Variants in PDE4D observed in about 807,000 individuals in gnomAD.
PDE4D encodes 3',5'-cyclic-AMP phosphodiesterase 4D.
Under a neutral mutation model 87.4 loss-of-function variants are expected in PDE4D, and 24 were observed. The ratio of observed to expected loss-of-function variants is 0.27; its 90% CI spans 0.20 to 0.39. PDE4D has a LOEUF of 0.39. Ranked by LOEUF, PDE4D falls within the 10% of genes least tolerant of loss-of-function variation. The pLI, the probability that PDE4D is intolerant of heterozygous loss-of-function variation, is 1.00. For synonymous variants in PDE4D, 384 were observed against 383.2 expected, an observed-to-expected ratio of 1.00 and a Z score of -0.02; for missense variants, 714 against 1,041.0, an observed-to-expected ratio of 0.69 and a Z score of 4.32.
chr5:60,118,067 T>G (rs1347223378), intron 2 of PDE4D, among the ~76,000 whole-genome samples: 2 of 152,114 alleles, frequency 1.3e-5, no homozygotes, highest in Non-Finnish European at 2.9e-5. Flanking sequence ...AATCACTCCT[T>G]TTGTTGTTGT....
At chr5:59,489,162 G>A (rs566444739) in intron 1 of PDE4D, among the ~76,000 whole-genome samples, 1 of 151,904 alleles carries the variant, frequency 6.6e-6, no homozygotes, top group South Asian at 2.1e-4. Flanking sequence ...GTACTCAGGA[G>A]GCTGAGGCAG....
intron 2 of PDE4D, among the ~76,000 whole-genome samples, chr5:60,004,131 A>G (rs972804466): frequency 6.6e-6 from 1 of 152,246 alleles, no homozygotes; most frequent in African/African-American, 2.4e-5. Context: ...ATATGATACC[A>G]AAAGTGTAGG....
chr5:59,463,312 T>C (rs1016374635), intron 1 of PDE4D, among the ~76,000 whole-genome samples: 8 of 152,222 alleles, frequency 5.3e-5, no homozygotes, highest in Admixed American at 6.5e-5. Context: ...CTGATTATAG[T>C]AACCACTGTT....
chr5:59,686,430 C>T (rs954721847), intron 1 of PDE4D, among the ~76,000 whole-genome samples: 4 of 152,116 alleles, frequency 2.6e-5, no homozygotes, highest in Non-Finnish European at 5.9e-5. Flanking sequence ...TTCACAGGCT[C>T]TCAGATTCTA....
intron 1 of PDE4D, among the ~76,000 whole-genome samples, chr5:60,214,598 AT>A (rs1743636450): frequency 6.6e-6 from 1 of 152,158 alleles, no homozygotes; most frequent in Non-Finnish European, 1.5e-5. Context: ...TTAGGGCAGA[AT>A]TAGAAACTGC....
chr5:59,788,929 A>G (rs987292450), intron 1 of PDE4D, among the ~76,000 whole-genome samples: 1 of 152,224 alleles, frequency 6.6e-6, no homozygotes, highest in Non-Finnish European at 1.5e-5. Flanking sequence ...AAGAAAATAA[A>G]GTAAAAAATA....
chr5:60,104,439 G>T (rs974868295), intron 2 of PDE4D, among the ~76,000 whole-genome samples: 13 of 152,234 alleles, frequency 8.5e-5, no homozygotes, highest in Non-Finnish European at 2.9e-5. Flanking sequence ...GCAGGGCACA[G>T]ACAAACAAAA....
At chr5:60,482,963 T>C (rs552420398) in intron 1 of PDE4D, among the ~76,000 whole-genome samples, 2 of 152,300 alleles carry the variant, frequency 1.3e-5, no homozygotes, top group South Asian at 4.1e-4. Context: ...ATATTGTCAG[T>C]ACATCCTAAA....
intron 2 of PDE4D, among the ~76,000 whole-genome samples, chr5:60,061,847 A>G (rs1771444827): frequency 6.6e-6 from 1 of 152,204 alleles, no homozygotes; most frequent in African/African-American, 2.4e-5. Flanking sequence ...TGATGCTGGG[A>G]AAACTGGCTA....
intron 1 of PDE4D, among the ~76,000 whole-genome samples, chr5:59,827,525 G>A (rs1053277189): frequency 3.3e-5 from 5 of 152,104 alleles, no homozygotes; most frequent in African/African-American, 1.2e-4. Flanking sequence ...ACCATTCAAT[G>A]TCTGTTTACA....
chr5:58,989,940 T>G (rs754388640), intron 9 of PDE4D, 21 bp from the exon 10 acceptor site: 1 of 1,441,504 alleles, frequency 6.9e-7, no homozygotes, highest in Non-Finnish European at 9.6e-7. Context: ...AAAAATCATC[T>G]TAACATTTTT....
intron 5 of PDE4D, among the ~76,000 whole-genome samples, chr5:59,129,731 G>A (rs1776000022): frequency 6.6e-6 from 1 of 152,014 alleles, no homozygotes; most frequent in Non-Finnish European, 1.5e-5. Context: ...TCACATTCTG[G>A]TCGCGAATGG....
chr5:59,985,873 T>C (rs1370840050), intron 3 of PDE4D, among the ~76,000 whole-genome samples: 1 of 152,198 alleles, frequency 6.6e-6, no homozygotes, highest in African/African-American at 2.4e-5. Flanking sequence ...AGGAATACTA[T>C]ATTTTCCATT....
chr5:60,385,366 G>T (rs879373714), intron 1 of PDE4D, among the ~76,000 whole-genome samples: 1 of 152,226 alleles, frequency 6.6e-6, no homozygotes. Context: ...ATCCTCACCA[G>T]GGGTGAAGAA....
At chr5:60,475,922 A>G (rs1042831285) in intron 1 of PDE4D, among the ~76,000 whole-genome samples, 2 of 152,054 alleles carry the variant, frequency 1.3e-5, no homozygotes, top group African/African-American at 2.4e-5. Context: ...ACATAGAGTG[A>G]CATTCAGTAG....
intron 1 of PDE4D, among the ~76,000 whole-genome samples, chr5:60,510,396 C>A (rs1460770005): frequency 6.6e-6 from 1 of 152,130 alleles, no homozygotes; most frequent in Non-Finnish European, 1.5e-5. Flanking sequence ...CACTACAACG[C>A]CCACCTCTTG....
At chr5:60,179,185 A>G (rs1784177829) in intron 2 of PDE4D, among the ~76,000 whole-genome samples, 2 of 152,144 alleles carry the variant, frequency 1.3e-5, no homozygotes, top group Non-Finnish European at 2.9e-5. Flanking sequence ...GTGGCGTATG[A>G]CATATCCTGG....
At chr5:60,077,472 G>A (rs1181430421) in intron 2 of PDE4D, among the ~76,000 whole-genome samples, 1 of 152,146 alleles carries the variant, frequency 6.6e-6, no homozygotes, top group Non-Finnish European at 1.5e-5. Flanking sequence ...ACTAGAACAG[G>A]AGCTGTAATG....
At chr5:59,059,174 T>C (rs1401465436) in intron 5 of PDE4D, among the ~76,000 whole-genome samples, 1 of 152,168 alleles carries the variant, frequency 6.6e-6, no homozygotes, top group Non-Finnish European at 1.5e-5. Context: ...ACTTCATACT[T>C]TTAGGAACAT....
Sources: allele counts gnomAD v4.1 joint callset (sites outside exome capture counted in the v4.1 genomes callset), GRCh38; gene constraint gnomAD v4.1.1; transcripts MANE v1.5; gene names NCBI Gene and HGNC (gene_info 2026-07-23, HGNC 2026-07-21).